Variants in FAAH2 observed in about 807,000 individuals in gnomAD.
The protein encoded by FAAH2 is fatty acid amide hydrolase 2, also known as fatty-acid amide hydrolase 2.
Under a neutral mutation model 36.9 loss-of-function variants are expected in FAAH2, and 60 were observed. The ratio of observed to expected loss-of-function variants is 1.63; its 90% CI spans 1.32 to 2.02. The LOEUF (loss-of-function observed/expected upper bound fraction) is 2.02. Among genes scored for constraint, FAAH2 ranks in the 30% most tolerant of loss-of-function variants. FAAH2 has a pLI of 0.00. For synonymous variants in FAAH2, 214 were observed against 143.8 expected, an observed-to-expected ratio of 1.49 and a Z score of -3.49; for missense variants, 689 against 397.5, an observed-to-expected ratio of 1.73 and a Z score of -6.23.
chrX:57,271,165 T>A, the FAAH2 span, among the ~76,000 whole-genome samples: 2 of 112,351 alleles, frequency 1.8e-5, no homozygotes, highest in African/African-American at 3.2e-5. Flanking sequence ...CATCTGCCAT[T>A]GCTGAGGCTT....
chrX:57,262,862 T>C, the FAAH2 span, among the ~76,000 whole-genome samples: 6 of 111,845 alleles, frequency 5.4e-5, no homozygotes, highest in South Asian at 2.2e-3. Context: ...AATAAAATTA[T>C]ATGACCATAT....
At chrX:57,442,497 G>A (rs909127485) in intron 8 of FAAH2, among the ~76,000 whole-genome samples, 1 of 110,928 alleles carries the variant, frequency 9.0e-6, no homozygotes, top group Non-Finnish European at 1.9e-5. Context: ...TTGAGCCAAT[G>A]TGTGTCTCTG....
intron 10 of FAAH2, among the ~76,000 whole-genome samples, chrX:57,449,341 C>T (rs1046022780): frequency 9.0e-6 from 1 of 111,493 alleles, no homozygotes; most frequent in Non-Finnish European, 1.9e-5. Context: ...ATCAAATACA[C>T]GTTCTCACCC....
the FAAH2 span, among the ~76,000 whole-genome samples, chrX:57,269,260 C>T: frequency 9.0e-6 from 1 of 111,069 alleles, no homozygotes. Flanking sequence ...TCTTAGACTA[C>T]CACACAATAA....
the FAAH2 span, among the ~76,000 whole-genome samples, chrX:57,220,189 C>G: frequency 4.6e-5 from 5 of 108,995 alleles, no homozygotes; most frequent in African/African-American, 1.3e-4. Context: ...CTCCCAGCCC[C>G]TACCTCTTCC....
chrX:57,477,795 C>T (rs769784200), intron 10 of FAAH2, among the ~76,000 whole-genome samples: 19 of 111,049 alleles, frequency 1.7e-4, no homozygotes, highest in South Asian at 7.7e-4. Context: ...CAGCTTCATC[C>T]GTGTCCCTAC....
At chrX:57,179,872 TA>T in the FAAH2 span, among the ~76,000 whole-genome samples, 14 of 110,363 alleles carry the variant, frequency 1.3e-4, no homozygotes, top group East Asian at 2.5e-3. Context: ...ATCAAATATA[TA>T]AAAAAAAGCA....
chrX:57,272,391 A>G, the FAAH2 span, among the ~76,000 whole-genome samples: 3 of 111,434 alleles, frequency 2.7e-5, no homozygotes, highest in African/African-American at 9.8e-5. Context: ...ATTCAAATTC[A>G]GGAAATGCAG....
At chrX:57,461,152 A>T (rs1374795789) in intron 10 of FAAH2, among the ~76,000 whole-genome samples, 1 of 109,762 alleles carries the variant, frequency 9.1e-6, no homozygotes. Context: ...TAATAAAAAA[A>T]AAAAAGTTCT....
intron 2 of FAAH2, among the ~76,000 whole-genome samples, chrX:57,295,312 G>A (rs1372302281): frequency 8.9e-6 from 1 of 112,326 alleles, no homozygotes; most frequent in Non-Finnish European, 1.9e-5. Context: ...TGAAACAATG[G>A]TGTCAGGAAC....
At chrX:57,175,341 C>T in the FAAH2 span, among the ~76,000 whole-genome samples, 1 of 111,559 alleles carries the variant, frequency 9.0e-6, no homozygotes, top group South Asian at 3.7e-4. Flanking sequence ...TTGTCTTTTA[C>T]TATTGTTGTT....
the FAAH2 span, among the ~76,000 whole-genome samples, chrX:57,124,740 C>G: frequency 1.8e-5 from 2 of 111,311 alleles, no homozygotes; most frequent in Non-Finnish European, 3.8e-5. Context: ...AGTTGGATTC[C>G]TAGGTATTTT....
intron 2 of FAAH2, among the ~76,000 whole-genome samples, chrX:57,293,342 G>C (rs759811618): frequency 1.1e-4 from 12 of 111,762 alleles, no homozygotes; most frequent in African/African-American, 3.2e-4. Context: ...ATGAAAACTA[G>C]CCAATATCAT....
chrX:57,256,697 G>T, the FAAH2 span, among the ~76,000 whole-genome samples: 1 of 111,741 alleles, frequency 8.9e-6, no homozygotes, highest in Non-Finnish European at 1.9e-5. Flanking sequence ...TGACAAATAG[G>T]AGCTAATTAA....
intron 5 of FAAH2, among the ~76,000 whole-genome samples, chrX:57,354,232 T>C (rs1239369186): frequency 9.0e-6 from 1 of 111,278 alleles, no homozygotes; most frequent in Non-Finnish European, 1.9e-5. Context: ...GTGGTATATA[T>C]ACACAATGGA....
the FAAH2 span, among the ~76,000 whole-genome samples, chrX:57,227,310 G>A: frequency 9.0e-6 from 1 of 111,194 alleles, no homozygotes; most frequent in African/African-American, 3.3e-5. Context: ...GCTGAAGGCT[G>A]TTGTTCATAT....
the FAAH2 span, among the ~76,000 whole-genome samples, chrX:57,195,704 G>C: frequency 1.8e-5 from 2 of 111,912 alleles, no homozygotes; most frequent in African/African-American, 6.5e-5. Flanking sequence ...AAGGTTTTCT[G>C]ATGTTATCTT....
chrX:57,135,579 G>A, the FAAH2 span: 29 of 558,162 alleles, frequency 5.2e-5, 1 homozygote, highest in Middle Eastern at 1.8e-3. Flanking sequence ...ACAGCTGTTC[G>A]TTCCTTCCAT....
intron 10 of FAAH2, among the ~76,000 whole-genome samples, chrX:57,471,940 A>G (rs1391844261): frequency 9.0e-6 from 1 of 111,334 alleles, no homozygotes; most frequent in African/African-American, 3.3e-5. Context: ...ATAATACCAC[A>G]CATCTACAAC....
Sources: gnomAD v4.1 joint callset for allele counts (sites outside exome capture counted in the v4.1 genomes callset) on GRCh38, gnomAD v4.1.1 for gene constraint, MANE v1.5 for transcripts, NCBI Gene and HGNC (gene_info 2026-07-23, HGNC 2026-07-21) for gene names.